Variants in DEPDC1B observed in about 807,000 individuals in gnomAD.
DEPDC1B encodes DEP domain-containing protein 1B.
Under a neutral mutation model 66.5 loss-of-function variants are expected in DEPDC1B, and 51 were observed. The observed-to-expected ratio is 0.77, with a 90% CI of 0.61 to 0.97. DEPDC1B has a LOEUF of 0.97. DEPDC1B is among the 50% of genes least tolerant of loss of function. The pLI is 0.00. For missense variants in DEPDC1B, 552 were observed against 637.1 expected (o/e 0.87, Z 1.44); for synonymous variants, 226 against 223.6 (o/e 1.01, Z -0.10).
chr5:60,672,890 A>G (rs1293934191), intron 2 of DEPDC1B, among the ~76,000 whole-genome samples: 1 of 152,156 alleles, frequency 6.6e-6, no homozygotes, highest in Non-Finnish European at 1.5e-5. Flanking sequence ...GGGAGGACTG[A>G]GCGACCTTAA....
Position 60,638,827 on chromosome 5 carries a change from GT to G in DEPDC1B, c.820del (p.Thr274ProfsTer2). On this transcript the variant is annotated frameshift_variant, in exon 7 of 11. Coordinates refer to ENST00000265036, the MANE Select transcript of DEPDC1B (RefSeq NM_018369.3). LOFTEE classifies it high-confidence loss of function. ...YLGFEKDVFK[T>X]IADYYGHLKE... ...CAAGTGACCATAGTAATCAGCTATG[GT>G]TTTAAAGACATCTTTTTCAAATCCC... 1 of 1,613,234 alleles carries G rather than the reference GT, an allele frequency of 6.2e-7. No individual in the cohort carries two copies. Among genetic ancestry groups the G allele is most frequent in the Non-Finnish European group, 8.5e-7 (1 of 1,179,580 alleles).
At chr5:60,609,511 T>C (rs1752374107) in intron 7 of DEPDC1B, among the ~76,000 whole-genome samples, 1 of 152,050 alleles carries the variant, frequency 6.6e-6, no homozygotes, top group Non-Finnish European at 1.5e-5. Flanking sequence ...TTGGATAATG[T>C]GGAAGGAGAG....
chr5:60,652,524 C>T (rs4538566), intron 2 of DEPDC1B, among the ~76,000 whole-genome samples: 54,202 of 148,598 alleles, frequency 0.36, 12,949 homozygotes, highest in East Asian at 0.71. Flanking sequence ...AAGGAAGGGA[C>T]ATACTGAGGC....
At chr5:60,613,956 A>G (rs1752479406) in intron 7 of DEPDC1B, among the ~76,000 whole-genome samples, 3 of 152,296 alleles carry the variant, frequency 2.0e-5, no homozygotes, top group African/African-American at 7.2e-5. Context: ...TCTTTGTACC[A>G]GTGATACTTA....
chr5:60,641,635 T>G (rs937169152), intron 6 of DEPDC1B, among the ~76,000 whole-genome samples: 1 of 152,088 alleles, frequency 6.6e-6, no homozygotes, highest in Admixed American at 6.5e-5. Context: ...CTGATGAACT[T>G]CTAAAACCTT....
chr5:60,692,834 T>A (rs544289261), intron 1 of DEPDC1B, among the ~76,000 whole-genome samples: 9 of 152,256 alleles, frequency 5.9e-5, no homozygotes, highest in Admixed American at 3.3e-4. Context: ...TATTGCTACA[T>A]GCCATAACAT....
intron 1 of DEPDC1B, among the ~76,000 whole-genome samples, chr5:60,694,778 G>A (rs1416732026): frequency 2.6e-5 from 4 of 152,154 alleles, no homozygotes; most frequent in African/African-American, 9.7e-5. Context: ...ATTTTGTTCA[G>A]CTCAATATCC....
chr5:60,698,593 C>A (rs1168532839), intron 1 of DEPDC1B, among the ~76,000 whole-genome samples: 3 of 152,234 alleles, frequency 2.0e-5, no homozygotes, highest in Admixed American at 2.0e-4. Flanking sequence ...GATTACTGAT[C>A]CAAAGGATGA....
intron 2 of DEPDC1B, among the ~76,000 whole-genome samples, chr5:60,675,175 A>ACGGTTTCC (rs1159933663): frequency 6.6e-6 from 1 of 152,122 alleles, no homozygotes; most frequent in Non-Finnish European, 1.5e-5. Context: ...GTCGGTTTCC[A>ACGGTTTCC]CTGTAGGGCA....
intron 2 of DEPDC1B, among the ~76,000 whole-genome samples, chr5:60,667,540 T>A (rs188455094): frequency 0.019 from 2,066 of 110,248 alleles, 46 homozygotes; most frequent in East Asian, 0.025. Flanking sequence ...TACATATATA[T>A]AAAAAATGGA....
At chr5:60,657,921 G>A (rs577726419) in intron 2 of DEPDC1B, among the ~76,000 whole-genome samples, 3 of 152,166 alleles carry the variant, frequency 2.0e-5, no homozygotes, top group Non-Finnish European at 4.4e-5. Context: ...TCCTCAGGAA[G>A]ACCAATTACT....
chr5:60,653,975 CA>C (rs754080600), intron 2 of DEPDC1B, among the ~76,000 whole-genome samples: 22 of 149,202 alleles, frequency 1.5e-4, no homozygotes, highest in Middle Eastern at 3.4e-3. Context: ...TGCCTATTTT[CA>C]CAGCAATACC....
intron 2 of DEPDC1B, among the ~76,000 whole-genome samples, chr5:60,682,029 G>C (rs1410240698): frequency 6.6e-6 from 1 of 152,010 alleles, no homozygotes; most frequent in Non-Finnish European, 1.5e-5. Context: ...CAATAGGCTA[G>C]ACCAAGCAGA....
chr5:60,622,318 G>A (rs1256674902), intron 7 of DEPDC1B, among the ~76,000 whole-genome samples: 1 of 152,086 alleles, frequency 6.6e-6, no homozygotes, highest in African/African-American at 2.4e-5. Context: ...CATGTAAATG[G>A]AACCAGAATG....
intron 7 of DEPDC1B, among the ~76,000 whole-genome samples, chr5:60,613,501 GAGA>G (rs1752465668): frequency 6.6e-6 from 1 of 152,186 alleles, no homozygotes; most frequent in Non-Finnish European, 1.5e-5. Flanking sequence ...TCACAGTCTG[GAGA>G]AGAAGATGAA....
At chr5:60,645,064 A>T (rs1204305229) in intron 4 of DEPDC1B, among the ~76,000 whole-genome samples, 189 bp from the exon 5 acceptor site, 2 of 152,208 alleles carry the variant, frequency 1.3e-5, no homozygotes, top group Non-Finnish European at 2.9e-5. Context: ...TGCTATTAAC[A>T]TTTTGCTTCA....
chr5:60,666,886 G>A (rs1753853220), intron 2 of DEPDC1B, among the ~76,000 whole-genome samples: 1 of 152,162 alleles, frequency 6.6e-6, no homozygotes, highest in African/African-American at 2.4e-5. Context: ...AGCAGAGAAA[G>A]AAGCCATCTT....
At chr5:60,598,702 T>G (rs1030195526) in intron 10 of DEPDC1B, among the ~76,000 whole-genome samples, 1 of 152,222 alleles carries the variant, frequency 6.6e-6, no homozygotes, top group Non-Finnish European at 1.5e-5. Context: ...ATTTTACACC[T>G]GTGAATTCCA....
At chr5:60,654,707 T>C (rs540421507) in intron 2 of DEPDC1B, among the ~76,000 whole-genome samples, 2 of 148,930 alleles carry the variant, frequency 1.3e-5, no homozygotes, top group South Asian at 2.2e-4. Flanking sequence ...CTTTTTCCAG[T>C]TCTCAGGGGG....
Sources: allele counts gnomAD v4.1 joint callset (sites outside exome capture counted in the v4.1 genomes callset), GRCh38; gene constraint gnomAD v4.1.1; transcripts MANE v1.5; gene names NCBI Gene and HGNC (gene_info 2026-07-23, HGNC 2026-07-21).